Variants in EPC2 observed in about 807,000 individuals in gnomAD.
EPC2 encodes enhancer of polycomb 2, also known as enhancer of polycomb homolog 2.
Under a neutral mutation model 92.1 loss-of-function variants are expected in EPC2, and 14 were observed. The observed-to-expected ratio is 0.15, with a 90% CI of 0.10 to 0.24. The LOEUF (loss-of-function observed/expected upper bound fraction) is 0.24. Among genes scored for constraint, EPC2 ranks in the 10% least tolerant of loss-of-function variants. The pLI is 1.00. For missense variants in EPC2, 755 were observed against 971.5 expected (o/e 0.78, Z 2.96); for synonymous variants, 340 against 334.7 (o/e 1.02, Z -0.17).
In EPC2 at chr2:148,652,570, A is replaced by C. The variant is rs768700148; in HGVS notation, c.153+7400A>C. On this transcript the variant is annotated intron_variant, in intron 1 of 13. Transcript: ENST00000258484. ...TCATTTGTGAAATAGAATTGGACTG[A>C]GTGACCTTTAAAGTACCTTTGACTC... Among the ~76,000 whole-genome samples the C allele has an allele frequency of 2.0e-5, 3 of 152,196 alleles. No homozygotes were observed. In the South Asian group the frequency reaches 6.2e-4, roughly 32 times the overall value.
intron 3 of EPC2, among the ~76,000 whole-genome samples, chr2:148,750,464 T>C (rs1020009908): frequency 7.2e-5 from 11 of 152,134 alleles, no homozygotes; most frequent in African/African-American, 2.4e-4. Context: ...TACCAGTCTT[T>C]GTTGTTGTAG....
Position 148,776,856 on chromosome 2 carries a change from C to CTTTTTTTTTTTT in EPC2, c.1721-4777_1721-4766dup, listed in dbSNP as rs56073706. On this transcript the variant is annotated intron_variant, in intron 10 of 13. Coordinates refer to ENST00000258484, the MANE Select transcript of EPC2 (RefSeq NM_015630.4). ...ACATAGCAAGACCCTGTCTCTCTCTCTTTTTTTTTTTTTTTTTTTTTTGAG... is the reference window on the plus strand; with the variant it reads ...ACATAGCAAGACCCTGTCTCTCTCTCTTTTTTTTTTTTTTTTTTTTTTTTTTTTTTTTTTGAG... Among the ~76,000 whole-genome samples, 382 of 100,954 alleles carry CTTTTTTTTTTTT rather than the reference C, an allele frequency of 3.8e-3. 20 individuals carry two copies. Among genetic ancestry groups the CTTTTTTTTTTTT allele is most frequent in the East Asian group, 8.9e-3 (26 of 2,916 alleles). The allele number at this position is 100,954 out of a possible 152,430, so 66.2% of individuals were successfully genotyped here.
chr2:148,756,753 CAGA>C (rs1257684768), intron 4 of EPC2, among the ~76,000 whole-genome samples: 1 of 152,172 alleles, frequency 6.6e-6, no homozygotes, highest in Non-Finnish European at 1.5e-5. Context: ...CTGTGAGGCC[CAGA>C]AGAAGTAAGA....
chr2:148,758,700 A>G (rs919417664), intron 4 of EPC2, among the ~76,000 whole-genome samples: 1 of 152,052 alleles, frequency 6.6e-6, no homozygotes, highest in South Asian at 2.1e-4. Context: ...CCGGCCTAAC[A>G]TATTTGTTAA....
rs118028772 is a variant in EPC2, at chr2:148,719,268, G to T, written c.314-24354G>T. 2.9e-3 allele frequency among the ~76,000 whole-genome samples: 438 copies of T among 152,198 alleles called. 16 individuals are homozygous for T. The South Asian group carries it at 0.07, about 24-fold the overall frequency. ...TTTCAGCAATCTCAGTGTCAGCCCA[G>T]TTCTGAGCCCTTGCTTGAGAGATGT... On this transcript the variant is annotated intron_variant, in intron 2 of 13. Coordinates refer to ENST00000258484, the MANE Select transcript of EPC2 (RefSeq NM_015630.4).
intron 1 of EPC2, among the ~76,000 whole-genome samples, chr2:148,646,075 G>A (rs1683795291): frequency 6.6e-6 from 1 of 152,194 alleles, no homozygotes; most frequent in Non-Finnish European, 1.5e-5. Flanking sequence ...TTGACAGAGA[G>A]TGTTTATGAC....
intron 2 of EPC2, among the ~76,000 whole-genome samples, chr2:148,721,208 A>C (rs1377317345): frequency 6.6e-6 from 1 of 152,174 alleles, no homozygotes; most frequent in Non-Finnish European, 1.5e-5. Context: ...ATTTCTTATA[A>C]GGCAGGTCTA....
chr2:148,779,193 C>T (rs1359289930), intron 10 of EPC2, among the ~76,000 whole-genome samples: 13 of 152,100 alleles, frequency 8.5e-5, no homozygotes, highest in Admixed American at 6.6e-4. Flanking sequence ...CACAAATGAT[C>T]ATGGTTCATA....
chr2:148,751,166 A>ATTAAATTTTTT (rs1251371778), intron 3 of EPC2, among the ~76,000 whole-genome samples: 3 of 152,090 alleles, frequency 2.0e-5, no homozygotes, highest in African/African-American at 7.2e-5. Context: ...TACCTAGTTG[A>ATTAAATTTTTT]CTGTTTTGTA....
At chr2:148,767,021 C>T (rs913258501) in intron 7 of EPC2, among the ~76,000 whole-genome samples, 1 of 151,534 alleles carries the variant, frequency 6.6e-6, no homozygotes, top group Non-Finnish European at 1.5e-5. Context: ...CCATCTTTAC[C>T]GAAAAAACAG....
chr2:148,672,292 A>G (rs1038857059), intron 1 of EPC2, among the ~76,000 whole-genome samples: 2 of 152,142 alleles, frequency 1.3e-5, no homozygotes, highest in Admixed American at 6.5e-5. Flanking sequence ...TACCATTTAC[A>G]TGGAATATCT....
chr2:148,722,525 CAG>C (rs1389935384), intron 2 of EPC2, among the ~76,000 whole-genome samples: 2 of 152,158 alleles, frequency 1.3e-5, no homozygotes, highest in African/African-American at 4.8e-5. Context: ...CAAAAAGTAA[CAG>C]ATGCTGGTGA....
intron 4 of EPC2, among the ~76,000 whole-genome samples, chr2:148,756,255 G>T (rs1030668790): frequency 1.3e-5 from 2 of 152,076 alleles, no homozygotes; most frequent in Admixed American, 6.5e-5. Flanking sequence ...TTTCTTTTCT[G>T]ATGCTCTTTA....
At chr2:148,673,157 T>A (rs1681191094) in intron 1 of EPC2, among the ~76,000 whole-genome samples, 1 of 152,192 alleles carries the variant, frequency 6.6e-6, no homozygotes, top group African/African-American at 2.4e-5. Flanking sequence ...TATTATAATG[T>A]TTCTCAGTGT....
intron 1 of EPC2, among the ~76,000 whole-genome samples, chr2:148,647,910 G>A (rs530813094): frequency 6.4e-4 from 98 of 152,338 alleles, no homozygotes; most frequent in African/African-American, 2.0e-3. Flanking sequence ...GATTGCAGGC[G>A]TGAGCCACCG....
chr2:148,653,996 G>GACATTGCACCA (rs1680738826), intron 1 of EPC2, among the ~76,000 whole-genome samples: 1 of 146,514 alleles, frequency 6.8e-6, no homozygotes, highest in Non-Finnish European at 1.5e-5. Flanking sequence ...CACCCAGGCT[G>GACATTGCACCA]GAGTGCAATG....
At chr2:148,672,502 G>T (rs556165892) in intron 1 of EPC2, among the ~76,000 whole-genome samples, 2 of 151,960 alleles carry the variant, frequency 1.3e-5, no homozygotes, top group African/African-American at 4.8e-5. Context: ...TTTCTTGAAG[G>T]TATTTGTGGT....
At chr2:148,743,834 AGT>A in intron 3 of EPC2, 67 bp downstream of exon 3, 2 of 1,233,194 alleles carry the variant, frequency 1.6e-6, no homozygotes, top group Non-Finnish European at 2.2e-6. Flanking sequence ...ATAAGACCTG[AGT>A]GTGTTGCATT....
rs777611033 is a variant in EPC2 at position 148,771,260 on chromosome 2, G to A, written c.1593G>A (p.Arg531=). The change falls in exon 10 of 14, where the codon AGG becomes AGA. Residue 531 remains arginine (R), a synonymous_variant. Transcript: ENST00000258484. ...GTCGACTACAGTGTTTCCAGCCAAG[G>A]CTACTAAATTTACAGGACAGTGATA... ...RSCRLQCFQP[R]LLNLQDSDSE... 2 of 1,613,918 alleles carry A rather than the reference G, an allele frequency of 1.2e-6. No individual in the cohort carries two copies. Among genetic ancestry groups the A allele is most frequent in the Non-Finnish European group, 8.5e-7 (1 of 1,179,860 alleles).
Sources: gnomAD v4.1 joint callset for allele counts (sites outside exome capture counted in the v4.1 genomes callset) on GRCh38, gnomAD v4.1.1 for gene constraint, MANE v1.5 for transcripts, NCBI Gene and HGNC (gene_info 2026-07-23, HGNC 2026-07-21) for gene names.